The following SPECC1 variants were observed in gnomAD, a reference collection of about 807,000 sequenced individuals.
The protein encoded by SPECC1 is cytospin-B.
In SPECC1, 62 loss-of-function variants were observed where a neutral mutation model predicts 104.1. That is an observed-to-expected ratio of 0.60 (90% confidence interval 0.49 to 0.74). The LOEUF (loss-of-function observed/expected upper bound fraction) is 0.74, where lower values mean the gene tolerates loss of function less well. Ranked by LOEUF, SPECC1 falls within the 30% of genes least tolerant of loss-of-function variation. SPECC1 has a pLI of 0.00. For missense variants in SPECC1, 1,306 were observed against 1,310.5 expected (o/e 1.00, Z 0.05); for synonymous variants, 513 against 501.6 (o/e 1.02, Z -0.30).
intron 14 of SPECC1, 149 bp from the exon 15 acceptor site, chr17:20,313,827 C>T (rs2041994042): frequency 1.5e-6 from 1 of 671,904 alleles, no homozygotes; most frequent in South Asian, 2.0e-5. Flanking sequence ...TCATCGCTTT[C>T]AGCACCACCT....
chr17:20,208,499 A>G (rs959891257), intron 4 of SPECC1, among the ~76,000 whole-genome samples: 1 of 152,232 alleles, frequency 6.6e-6, no homozygotes, highest in South Asian at 2.1e-4. Flanking sequence ...ATGAATTTAA[A>G]TGATAATACT....
chr17:20,103,919 AGAG>A (rs1392527585), intron 2 of SPECC1, among the ~76,000 whole-genome samples: 1 of 151,932 alleles, frequency 6.6e-6, no homozygotes. Context: ...GGAGAAGGGG[AGAG>A]GAGAAGGGGG....
At chr17:20,239,246 GTAT>G (rs1490102919) in intron 7 of SPECC1, 15 of 1,013,958 alleles carry the variant, frequency 1.5e-5, no homozygotes, top group Non-Finnish European at 1.5e-5. Context: ...TAATTATGAA[GTAT>G]TATTTAGGTA....
chr17:20,148,815 G>A (rs1167112725), intron 3 of SPECC1, among the ~76,000 whole-genome samples: 4 of 152,062 alleles, frequency 2.6e-5, no homozygotes, highest in Non-Finnish European at 5.9e-5. Flanking sequence ...TGCCTCCCAG[G>A]TTCAAGCGAT....
intron 7 of SPECC1, among the ~76,000 whole-genome samples, chr17:20,234,304 C>T (rs966074502): frequency 9.9e-5 from 15 of 152,208 alleles, no homozygotes; most frequent in Admixed American, 8.5e-4. Flanking sequence ...TGTCATGGTA[C>T]TGAAATCAGG....
At chr17:20,048,833 A>C (rs2045638121) in intron 1 of SPECC1, among the ~76,000 whole-genome samples, 1 of 152,074 alleles carries the variant, frequency 6.6e-6, no homozygotes, top group Non-Finnish European at 1.5e-5. Flanking sequence ...TCGAGGCTGC[A>C]GTCAGCTGAG....
intron 2 of SPECC1, among the ~76,000 whole-genome samples, chr17:20,099,503 T>A (rs2047817508): frequency 8.2e-6 from 1 of 122,388 alleles, no homozygotes; most frequent in Non-Finnish European, 1.7e-5. Flanking sequence ...TGAAATCCTG[T>A]CTTTACCCAA....
At chr17:20,173,083 A>G (rs2034209186) in intron 3 of SPECC1, among the ~76,000 whole-genome samples, 2 of 152,248 alleles carry the variant, frequency 1.3e-5, no homozygotes, top group South Asian at 2.1e-4. Flanking sequence ...AGTCCAGACT[A>G]TAAAGCATTT....
At chr17:20,012,422 T>C (rs898931689) in intron 1 of SPECC1, among the ~76,000 whole-genome samples, 17 of 151,978 alleles carry the variant, frequency 1.1e-4, no homozygotes, top group African/African-American at 4.1e-4. Context: ...TCTTTAAATG[T>C]TGTATTTTTG....
chr17:20,289,060 G>A (rs1221289635), intron 12 of SPECC1, among the ~76,000 whole-genome samples: 1 of 152,044 alleles, frequency 6.6e-6, no homozygotes, highest in East Asian at 1.9e-4. Flanking sequence ...TGGGATTATA[G>A]GCATGAGCCG....
chr17:20,267,100 G>A (rs975003494), intron 12 of SPECC1, among the ~76,000 whole-genome samples: 1 of 152,140 alleles, frequency 6.6e-6, no homozygotes, highest in Non-Finnish European at 1.5e-5. Context: ...CCCTCACTAC[G>A]AAGTGAGGCC....
chr17:20,228,180 G>A (rs967353264), intron 5 of SPECC1, among the ~76,000 whole-genome samples: 4 of 152,124 alleles, frequency 2.6e-5, no homozygotes, highest in East Asian at 1.9e-4. Context: ...AGGTGATTGC[G>A]AAAAATAGAA....
chr17:20,136,839 G>A (rs933144386), intron 3 of SPECC1, among the ~76,000 whole-genome samples: 1 of 152,156 alleles, frequency 6.6e-6, no homozygotes, highest in Non-Finnish European at 1.5e-5. Flanking sequence ...GTTACTGATA[G>A]CAGTTCACAG....
At chr17:20,176,229 C>CAATGAATGTT (rs1318328831) in intron 3 of SPECC1, among the ~76,000 whole-genome samples, 3 of 152,162 alleles carry the variant, frequency 2.0e-5, no homozygotes, top group Non-Finnish European at 4.4e-5. Flanking sequence ...AATAAGTTCT[C>CAATGAATGTT]AATGAATGTT....
chr17:20,125,363 G>A (rs1233735476), intron 3 of SPECC1, among the ~76,000 whole-genome samples: 1 of 152,150 alleles, frequency 6.6e-6, no homozygotes, highest in Non-Finnish European at 1.5e-5. Context: ...CATAAGTTCG[G>A]AACTGTCTGT....
intron 1 of SPECC1, among the ~76,000 whole-genome samples, chr17:20,032,900 A>ATGTATATATGTGTGTCTGTATATG (rs2044877409): frequency 6.6e-6 from 1 of 151,704 alleles, no homozygotes; most frequent in Non-Finnish European, 1.5e-5. Context: ...GTCTGTATAT[A>ATGTATATATGTGTGTCTGTATATG]TGTATATATG....
rs3077216 is a variant in SPECC1, at chr17:20,199,383, G to GTT, written c.284-4922_284-4921dup. 6.9e-4 allele frequency among the ~76,000 whole-genome samples: 43 copies of GTT among 62,462 alleles called. 2 individuals carry two copies. Among genetic ancestry groups the GTT allele is most frequent in the South Asian group, 6.8e-3 (6 of 888 alleles). 41.0% of individuals were successfully genotyped at this position (62,462 alleles called of 152,430 possible). Reference sequence around the variant, plus strand: ...ATTACAGGCGTGAGCCACCGTGCTGGTTTTTTTTTTTTTTTTTTTTTTTTT... The same window carrying GTT: ...ATTACAGGCGTGAGCCACCGTGCTGGTTTTTTTTTTTTTTTTTTTTTTTTTTT... On this transcript the variant is annotated intron_variant, in intron 3 of 14. Coordinates refer to ENST00000395527, the MANE Select transcript of SPECC1 (RefSeq NM_001243439.2).
At chr17:20,104,035 T>C (rs2048068745) in intron 2 of SPECC1, among the ~76,000 whole-genome samples, 2 of 152,184 alleles carry the variant, frequency 1.3e-5, no homozygotes, top group African/African-American at 4.8e-5. Flanking sequence ...TGGTGGCATT[T>C]CTATGTTTGT....
At chr17:20,211,865 C>T (rs1417217431) in intron 4 of SPECC1, among the ~76,000 whole-genome samples, 9 of 152,188 alleles carry the variant, frequency 5.9e-5, no homozygotes, top group African/African-American at 1.4e-4. Context: ...CTCCTGGACA[C>T]GTTAATGCCT....
Sources: allele counts gnomAD v4.1 joint callset (sites outside exome capture counted in the v4.1 genomes callset), GRCh38; gene constraint gnomAD v4.1.1; transcripts MANE v1.5; gene names NCBI Gene and HGNC (gene_info 2026-07-23, HGNC 2026-07-21).